Variants in ASGR1 observed in about 807,000 individuals in gnomAD.
ASGR1 encodes C-type lectin domain family 4 member H1.
A neutral mutation model predicts 33.1 loss-of-function variants in ASGR1; 35 were observed. That is an observed-to-expected ratio of 1.06 (90% CI 0.81 to 1.40). The LOEUF is 1.40. Among genes scored for constraint, ASGR1 ranks in the 40% most tolerant of loss-of-function variants. The pLI is 0.00. For synonymous variants in ASGR1, 142 were observed against 152.5 expected, an observed-to-expected ratio of 0.93 and a Z score of 0.51; for missense variants, 396 against 373.7, an observed-to-expected ratio of 1.06 and a Z score of -0.49.
In ASGR1 at chr17:7,173,631, C is replaced by A. The variant is rs1449944829; in HGVS notation, c.*28G>T. 4 of 1,611,262 alleles carry A rather than the reference C, an allele frequency of 2.5e-6. No homozygotes were observed. The highest frequency in any genetic ancestry group is 3.4e-6 in the Non-Finnish European group (4 of 1,179,918). On this transcript the variant is annotated 3_prime_UTR_variant, in exon 9 of 9. Transcript: ENST00000269299. This position sits in a 1 kb window ranked among gnomAD's most constrained non-coding sequence, Gnocchi z 4.7. ...GCGGATTCCCAATCCCGGACCCCTGCGGCAGGTCGAGGCATTGAAGAAATA... is the reference window on the plus strand; with the variant it reads ...GCGGATTCCCAATCCCGGACCCCTGAGGCAGGTCGAGGCATTGAAGAAATA...
At chr17:7,175,447 C>T (rs570972618) in intron 5 of ASGR1, among the ~76,000 whole-genome samples, 12 of 148,688 alleles carry the variant, frequency 8.1e-5, no homozygotes, top group South Asian at 2.2e-4. Context: ...ATTCACACAA[C>T]GCACACCCAC....
At chr17:7,178,695 GACC>G (rs2069243592) in intron 1 of ASGR1, 107 bp from the exon 2 acceptor site, 2 of 604,810 alleles carry the variant, frequency 3.3e-6, no homozygotes, top group South Asian at 5.3e-5. Flanking sequence ...CCATCATGGA[GACC>G]TTTCTTCTTT....
At chr17:7,177,588 C>T in intron 2 of ASGR1, 1 of 406,504 alleles carries the variant, frequency 2.5e-6, no homozygotes, top group South Asian at 4.7e-5. Flanking sequence ...AATGGCATGA[C>T]TGCGTCACTG....
At chr17:7,177,387 G>A (rs921114742) in intron 2 of ASGR1, 61 bp from the exon 3 acceptor site, 1 of 1,390,864 alleles carries the variant, frequency 7.2e-7, no homozygotes, top group Non-Finnish European at 1.0e-6. Flanking sequence ...CAGCTCCAGG[G>A]TCCTAAAAGG....
intron 5 of ASGR1, chr17:7,176,556 CA>C: frequency 1.8e-6 from 1 of 566,210 alleles, no homozygotes; most frequent in East Asian, 3.1e-5. Context: ...TTCTCACACA[CA>C]CACACCTCAT....
chr17:7,175,019 CACACAACACACACAACACACCAT>C (rs1341422160), intron 5 of ASGR1, among the ~76,000 whole-genome samples: 1 of 148,946 alleles, frequency 6.7e-6, no homozygotes, highest in Non-Finnish European at 1.5e-5. Flanking sequence ...CATACACACT[CACACAACACACACAACACACCAT>C]ACACAACACA....
At position 7,174,128 on chromosome 17, in the gene ASGR1, G is replaced by A. The variant is rs748998144; in HGVS notation, c.594+10C>T. 3.1e-6 allele frequency: 5 copies of A among 1,614,024 alleles called. No individual in the cohort carries two copies. In the Admixed American group the frequency reaches 6.7e-5, roughly 22 times the overall value. On this transcript the variant is annotated intron_variant, in intron 7 of 8. Transcript: ENST00000269299. Reference sequence around the variant, plus strand: ...GGCCAGCCAGCCTCCCAGACCCTCCGGGTCCTCACCTGCTCCTCCCAGGAC... The same window carrying A: ...GGCCAGCCAGCCTCCCAGACCCTCCAGGTCCTCACCTGCTCCTCCCAGGAC...
rs1452823278 is a variant in ASGR1, at chr17:7,173,794, G to A, written c.741C>T (p.His247=). Residue 247 remains histidine, a synonymous_variant, in exon 9 of 9, where the codon CAC becomes CAT. Coordinates refer to ENST00000269299, the MANE Select transcript of ASGR1 (RefSeq NM_001671.5). This position sits in a 1 kb window ranked among gnomAD's most constrained non-coding sequence, Gnocchi z 4.7. ...CACAGTCCTCGCCTCCTCCGAGCCC[G>A]TGGCCGTACCAGTCGTCCGGCTGCT... ...RPEQPDDWYG[H]GLGGGEDCAH... The A allele has an allele frequency of 1.2e-6, 2 of 1,612,306 alleles. No homozygotes were observed. Among genetic ancestry groups the A allele is most frequent in the Non-Finnish European group, 1.7e-6 (2 of 1,179,804 alleles).
chr17:7,176,797 C>CAT, intron 5 of ASGR1, 33 bp downstream of exon 5: 1 of 1,551,198 alleles, frequency 6.4e-7, no homozygotes, highest in South Asian at 1.2e-5. Flanking sequence ...CTCTTTCACA[C>CAT]ACACACACAC....
chr17:7,175,812 C>T (rs2069193168), intron 5 of ASGR1, among the ~76,000 whole-genome samples: 3 of 150,414 alleles, frequency 2.0e-5, no homozygotes, highest in Admixed American at 1.3e-4. Flanking sequence ...CTCTCATTCT[C>T]ACAGACACAC....
rs752437998 is a variant in ASGR1, at chr17:7,173,678, T to C, written c.857A>G (p.Gln286Arg). Residue 286 changes from glutamine (Q) to arginine (R), a missense_variant, in exon 9 of 9, where the codon CAG becomes CGG. Physicochemically the swap from Gln to Arg is conservative, Grantham distance 43 (BLOSUM62 1). Coordinates refer to ENST00000269299, the MANE Select transcript of ASGR1 (RefSeq NM_001671.5). The surrounding 1 kb of genome is among the most constrained non-coding windows in gnomAD (Gnocchi z 4.7). ...AATAAATTAAAGGAGAGGTGGCTCCTGGCTGGCCTTGTCCAGCTCTGTCTC... is the reference window on the plus strand; with the variant it reads ...AATAAATTAAAGGAGAGGTGGCTCCCGGCTGGCCTTGTCCAGCTCTGTCTC... ...VCETELDKASQEPPLL is the reference protein window; with the variant it reads ...VCETELDKASREPPLL 3 of 1,613,668 alleles carry C rather than the reference T, an allele frequency of 1.9e-6. No individual in the cohort carries two copies. The highest frequency in any genetic ancestry group is 4.5e-5 in the East Asian group (2 of 44,884).
chr17:7,174,046 C>A lies in ASGR1; in HGVS notation c.616G>T (p.Gly206Cys). 6.2e-7 allele frequency: 1 copy of A among 1,614,232 alleles called. No individual in the cohort carries two copies. The change falls in exon 8 of 9, where the codon GGC (glycine) becomes TGC (cysteine). Residue 206 changes from glycine (G) to cysteine (C), a missense_variant. Coordinates refer to ENST00000269299, the MANE Select transcript of ASGR1 (RefSeq NM_001671.5). ...AGGCCCATCCAGGTGTTCACAGGGCCTATGTGGTGCTGGACAAATTTCTGA... is the reference window on the plus strand; with the variant it reads ...AGGCCCATCCAGGTGTTCACAGGGCATATGTGGTGCTGGACAAATTTCTGA... ...EEQKFVQHHI[G>C]PVNTWMGLHD...
intron 2 of ASGR1, chr17:7,177,531 G>T: frequency 1.8e-6 from 1 of 550,966 alleles, no homozygotes. Context: ...GGGGCTAAGC[G>T]CTGAGCCGCC....
chr17:7,175,797 ACT>A (rs369372556), intron 5 of ASGR1, among the ~76,000 whole-genome samples: 2,885 of 147,578 alleles, frequency 0.02, 86 homozygotes, highest in African/African-American at 0.068. Context: ...ACACACACAC[ACT>A]CCCTCTCATT....
intron 5 of ASGR1, among the ~76,000 whole-genome samples, chr17:7,175,655 TCA>T (rs1460851462): frequency 6.1e-5 from 9 of 147,358 alleles, no homozygotes; most frequent in East Asian, 2.0e-4. Flanking sequence ...TGACACATTC[TCA>T]CACACATAAA....
At chr17:7,178,046 T>A (rs2069237611) in intron 2 of ASGR1, 1 of 181,734 alleles carries the variant, frequency 5.5e-6, no homozygotes, top group Non-Finnish European at 1.2e-5. Context: ...AGACCCCTCA[T>A]CGCCCCCCTC....
At chr17:7,176,628 CCTCT>C (rs1388271126) in intron 5 of ASGR1, 198 bp downstream of exon 5, 1 of 665,652 alleles carries the variant, frequency 1.5e-6, no homozygotes, top group South Asian at 1.8e-5. Flanking sequence ...ATACACACTC[CCTCT>C]CATTCTCACA....
rs1319358709 is a variant in ASGR1, at chr17:7,176,723, C to G, written c.355+107G>C. ...ACAGACTCACACACACACACACTCC[C>G]TCTCATTCTCACACACATCCACACA... is the stretch of plus-strand genomic sequence containing the variant. On this transcript the variant is annotated intron_variant, in intron 5 of 8. Coordinates refer to ENST00000269299, the MANE Select transcript of ASGR1 (RefSeq NM_001671.5). The G allele has an allele frequency of 2.0e-6, 3 of 1,495,190 alleles. No individual in the cohort carries two copies. In the African/African-American group the frequency reaches 4.1e-5, roughly 21 times the overall value. 92.6% of individuals were successfully genotyped at this position (1,495,190 alleles called of 1,614,324 possible). A position where few individuals can be genotyped will look rare whatever the true frequency, so the allele number is the denominator to read the frequency against.
At position 7,176,792 on chromosome 17, in the gene ASGR1, TCACA is replaced by T. The variant is rs71361405; in HGVS notation, c.355+34_355+37del. 5,103 of 1,459,794 alleles carry T rather than the reference TCACA, an allele frequency of 3.5e-3. 33 individuals are homozygous for T. Among genetic ancestry groups the T allele is most frequent in the African/African-American group, 0.03 (2,158 of 71,916 alleles). 90.4% of individuals were successfully genotyped at this position (1,459,794 alleles called of 1,614,324 possible). ...CACATCCACACATTCTCACTCTCTT[TCACA>T]CACACACACACACACACACACTCCC... On this transcript the variant is annotated intron_variant, in intron 5 of 8. Coordinates refer to ENST00000269299, the MANE Select transcript of ASGR1 (RefSeq NM_001671.5).
Sources: gnomAD v4.1 joint callset for allele counts (sites outside exome capture counted in the v4.1 genomes callset) on GRCh38, gnomAD v4.1.1 for gene constraint, Gnocchi (gnomAD v3.1) non-coding constraint, MANE v1.5 for transcripts, NCBI Gene and HGNC (gene_info 2026-07-23, HGNC 2026-07-21) for gene names.